The following TBX15 variants were observed in gnomAD, a reference collection of about 807,000 sequenced individuals.
TBX15 encodes the protein T-box transcription factor TBX15.
Under a neutral mutation model 53.9 loss-of-function variants are expected in TBX15, and 18 were observed. That is an observed-to-expected ratio of 0.33 (90% CI 0.23 to 0.49). TBX15 has a LOEUF of 0.49. Among genes scored for constraint, TBX15 ranks in the 20% least tolerant of loss-of-function variants. The pLI is 0.98. For missense variants in TBX15, 692 were observed against 749.5 expected (o/e 0.92, Z 0.90); for synonymous variants, 295 against 278.0 (o/e 1.06, Z -0.61).
chr1:118,973,063 G>A (rs911402116), intron 1 of TBX15, among the ~76,000 whole-genome samples: 15 of 152,144 alleles, frequency 9.9e-5, no homozygotes, highest in African/African-American at 3.1e-4. Context: ...TGATATAAAC[G>A]TTAATTGACA....
intron 6 of TBX15, among the ~76,000 whole-genome samples, chr1:118,906,174 G>A (rs561627622): frequency 1.3e-5 from 2 of 152,110 alleles, no homozygotes; most frequent in African/African-American, 4.8e-5. Context: ...AAATATATGA[G>A]GTTAAACTGT....
intron 7 of TBX15, among the ~76,000 whole-genome samples, chr1:118,885,940 A>C (rs1390341926): frequency 6.6e-6 from 1 of 152,250 alleles, no homozygotes; most frequent in Non-Finnish European, 1.5e-5. Context: ...GAAATGCATT[A>C]AATATGTATT....
At chr1:118,977,940 A>G (rs534302618) in intron 1 of TBX15, among the ~76,000 whole-genome samples, 1 of 152,338 alleles carries the variant, frequency 6.6e-6, no homozygotes, top group African/African-American at 2.4e-5. Context: ...TTATTAGCCC[A>G]CCAATTCAAC....
intron 1 of TBX15, among the ~76,000 whole-genome samples, chr1:118,981,981 C>G (rs1471809101): frequency 1.3e-5 from 2 of 152,182 alleles, no homozygotes; most frequent in Non-Finnish European, 2.9e-5. Context: ...CCTTAGTTTT[C>G]CCTTTTGTGA....
chr1:118,910,792 C>A (rs569839920), intron 6 of TBX15, among the ~76,000 whole-genome samples: 1 of 152,292 alleles, frequency 6.6e-6, no homozygotes, highest in South Asian at 2.1e-4. Flanking sequence ...AGACACATGA[C>A]TTCAATGTCA....
chr1:118,980,527 CA>C (rs1657611474), intron 1 of TBX15, among the ~76,000 whole-genome samples: 1 of 152,188 alleles, frequency 6.6e-6, no homozygotes, highest in Non-Finnish European at 1.5e-5. Context: ...TGTAAGAAGA[CA>C]AATAAGAGGA....
At chr1:118,936,071 G>T (rs1396106812) in intron 1 of TBX15, among the ~76,000 whole-genome samples, 1 of 152,150 alleles carries the variant, frequency 6.6e-6, no homozygotes, top group Non-Finnish European at 1.5e-5. Flanking sequence ...AACTAAGGTG[G>T]CTTAAATATG....
Position 118,884,087 on chromosome 1 carries a change from A to C in TBX15, c.*645T>G, listed in dbSNP as rs749145080. ...CAATCTTTTTCCGGAAGCCAAGTCC[A>C]GTTGTACTGATGTCTTTCCACTCTC... is the stretch of plus-strand genomic sequence containing the variant. On this transcript the variant is annotated 3_prime_UTR_variant, in exon 8 of 8. Transcript: ENST00000369429. The C allele has an allele frequency of 7.5e-4, 116 of 153,672 alleles. 1 individual carries two copies. Among genetic ancestry groups the C allele is most frequent in the Non-Finnish European group, 2.6e-4 (18 of 68,862 alleles). 9.5% of individuals were successfully genotyped at this position (153,672 alleles called of 1,614,324 possible).
intron 1 of TBX15, among the ~76,000 whole-genome samples, chr1:118,934,005 T>C (rs1655885781): frequency 6.6e-6 from 1 of 152,128 alleles, no homozygotes; most frequent in South Asian, 2.1e-4. Context: ...AAGAGATAAG[T>C]ATTAATGGTA....
intron 1 of TBX15, among the ~76,000 whole-genome samples, chr1:118,978,863 C>A (rs1448172113): frequency 6.6e-6 from 1 of 152,188 alleles, no homozygotes; most frequent in African/African-American, 2.4e-5. Flanking sequence ...TATTAATTAA[C>A]CTTCTAAATT....
chr1:118,969,579 C>T (rs1571213293), intron 1 of TBX15, among the ~76,000 whole-genome samples: 1 of 152,090 alleles, frequency 6.6e-6, no homozygotes, highest in Non-Finnish European at 1.5e-5. Flanking sequence ...TGGGTTGAGT[C>T]CTGGGTCAGA....
At chr1:118,972,056 A>G (rs141950986) in intron 1 of TBX15, among the ~76,000 whole-genome samples, 245 of 152,346 alleles carry the variant, frequency 1.6e-3, no homozygotes, top group African/African-American at 5.6e-3. Context: ...AATCTTGGCT[A>G]CACCTTTGAG....
At chr1:118,951,106 A>G (rs1466495585) in intron 1 of TBX15, among the ~76,000 whole-genome samples, 1 of 152,252 alleles carries the variant, frequency 6.6e-6, no homozygotes, top group African/African-American at 2.4e-5. Flanking sequence ...ATATTACAGA[A>G]AACAAACTAC....
At chr1:118,965,063 C>T (rs914870275) in intron 1 of TBX15, among the ~76,000 whole-genome samples, 1 of 152,194 alleles carries the variant, frequency 6.6e-6, no homozygotes, top group Non-Finnish European at 1.5e-5. Flanking sequence ...CACCCAGAAA[C>T]CCTGACTGAC....
chr1:118,899,172 A>T (rs774877813), intron 6 of TBX15, 47 bp from the exon 7 acceptor site: 1 of 1,551,938 alleles, frequency 6.4e-7, no homozygotes, highest in Non-Finnish European at 8.9e-7. Context: ...AATTTCAAGA[A>T]ATGCATTGAC....
At chr1:118,916,085 G>A (rs977484142) in intron 5 of TBX15, among the ~76,000 whole-genome samples, 1 of 152,212 alleles carries the variant, frequency 6.6e-6, no homozygotes, top group African/African-American at 2.4e-5. Flanking sequence ...TGTGTGCAAA[G>A]CAGTGTGACA....
At chr1:118,916,879 G>A (rs1380497745) in intron 5 of TBX15, among the ~76,000 whole-genome samples, 3 of 151,322 alleles carry the variant, frequency 2.0e-5, no homozygotes, top group African/African-American at 2.4e-5. Context: ...AAAAAATAAA[G>A]AAATAAAAAA....
chr1:118,965,064 C>T lies in TBX15; in HGVS notation c.205+22527G>A, dbSNP rs118105982. Among the ~76,000 whole-genome samples the T allele has an allele frequency of 1.5e-4, 23 of 152,270 alleles. No homozygotes were observed. In the East Asian group the frequency reaches 4.2e-3, roughly 28 times the overall value. ...TTGAACCAAAGTTGCACCCAGAAAC[C>T]CTGACTGACATGCCTTTTATTCTCT... On this transcript the variant is annotated intron_variant, in intron 1 of 7. Transcript: ENST00000369429.
chr1:118,924,551 C>T, intron 4 of TBX15, 95 bp downstream of exon 4: 1 of 1,465,036 alleles, frequency 6.8e-7, no homozygotes, highest in Non-Finnish European at 9.5e-7. Flanking sequence ...ATAGAGATTC[C>T]TTATTTTACC....
Sources: gnomAD v4.1 joint callset for allele counts (sites outside exome capture counted in the v4.1 genomes callset) on GRCh38, gnomAD v4.1.1 for gene constraint, MANE v1.5 for transcripts, NCBI Gene and HGNC (gene_info 2026-07-23, HGNC 2026-07-21) for gene names.